The following PRKG1 variants were observed in gnomAD, a reference collection of about 807,000 sequenced individuals.
PRKG1 encodes the protein protein kinase cGMP-dependent 1, also known as cGMP-dependent protein kinase 1.
PRKG1 carries 35 observed loss-of-function variants against 88.1 expected under a neutral mutation model. The observed-to-expected ratio is 0.40, with a 90% CI of 0.30 to 0.53. The LOEUF is 0.53. Ranked by LOEUF, PRKG1 falls within the 20% of genes least tolerant of loss-of-function variation. The pLI, the probability that PRKG1 is intolerant of heterozygous loss-of-function variation, is 0.59. For missense variants in PRKG1, 540 were observed against 839.8 expected, an observed-to-expected ratio of 0.64 and a Z score of 4.41; for synonymous variants, 303 against 292.5, an observed-to-expected ratio of 1.04 and a Z score of -0.37.
At chr10:51,211,663 A>G (rs1838224254) in intron 2 of PRKG1, among the ~76,000 whole-genome samples, 1 of 152,204 alleles carries the variant, frequency 6.6e-6, no homozygotes, top group African/African-American at 2.4e-5. Context: ...GCATTCTTAT[A>G]CACCAATAAC....
chr10:51,800,232 G>A (rs1157450958), intron 3 of PRKG1, among the ~76,000 whole-genome samples: 2 of 152,020 alleles, frequency 1.3e-5, no homozygotes, highest in East Asian at 3.9e-4. Flanking sequence ...AATCTCTTGA[G>A]TTCCATTGAC....
intron 1 of PRKG1, among the ~76,000 whole-genome samples, chr10:51,089,712 AAT>A (rs1268972050): frequency 9.9e-5 from 15 of 152,228 alleles, no homozygotes; most frequent in African/African-American, 3.6e-4. Flanking sequence ...TAGAAAAATA[AAT>A]ATGTGTATGA....
At chr10:51,060,826 G>C (rs1255169632) in intron 1 of PRKG1, among the ~76,000 whole-genome samples, 3 of 152,062 alleles carry the variant, frequency 2.0e-5, no homozygotes, top group African/African-American at 7.2e-5. Context: ...TTCTCTGAAA[G>C]TATACCTATT....
At chr10:51,560,364 G>A (rs1021997182) in intron 3 of PRKG1, among the ~76,000 whole-genome samples, 1 of 152,070 alleles carries the variant, frequency 6.6e-6, no homozygotes, top group African/African-American at 2.4e-5. Flanking sequence ...GTAAGAAAAA[G>A]TAAACTTGAT....
chr10:51,326,031 C>T (rs955822426), intron 2 of PRKG1, among the ~76,000 whole-genome samples: 2 of 152,206 alleles, frequency 1.3e-5, no homozygotes, highest in Non-Finnish European at 2.9e-5. Context: ...GCTCATCTGT[C>T]TCATCTTGTG....
chr10:51,242,971 G>A (rs1472868503), intron 2 of PRKG1, among the ~76,000 whole-genome samples: 3 of 152,054 alleles, frequency 2.0e-5, no homozygotes, highest in Admixed American at 6.6e-5. Context: ...CTGGAGACCC[G>A]GTGTAGACAT....
chr10:51,389,846 G>A (rs1194981699), intron 2 of PRKG1, among the ~76,000 whole-genome samples: 5 of 152,032 alleles, frequency 3.3e-5, no homozygotes, highest in African/African-American at 4.8e-5. Context: ...CAGCCCAATC[G>A]GACAGCTGTA....
chr10:52,242,918 AAAG>A (rs367634303), intron 9 of PRKG1, among the ~76,000 whole-genome samples: 4 of 48,230 alleles, frequency 8.3e-5, no homozygotes, highest in Admixed American at 6.1e-4. Context: ...GGAGAAGGAG[AAAG>A]AGAAGAAGAA....
chr10:52,253,101 T>C (rs1841218567), intron 10 of PRKG1, among the ~76,000 whole-genome samples: 2 of 152,022 alleles, frequency 1.3e-5, no homozygotes, highest in Admixed American at 6.6e-5. Flanking sequence ...TAGTTGCGTA[T>C]TTCTAAAACA....
intron 4 of PRKG1, among the ~76,000 whole-genome samples, chr10:51,881,209 C>T (rs563737116): frequency 5.9e-5 from 9 of 152,200 alleles, no homozygotes; most frequent in African/African-American, 1.2e-4. Context: ...GAGACATCAA[C>T]GGGAAGATCA....
At chr10:51,645,937 T>G (rs2132305132) in intron 3 of PRKG1, among the ~76,000 whole-genome samples, 1 of 152,284 alleles carries the variant, frequency 6.6e-6, no homozygotes, top group South Asian at 2.1e-4. Context: ...ATTAATCAGT[T>G]TTTCATTAAA....
intron 7 of PRKG1, among the ~76,000 whole-genome samples, chr10:52,088,940 A>G (rs1288125978): frequency 6.6e-6 from 1 of 152,198 alleles, no homozygotes; most frequent in Non-Finnish European, 1.5e-5. Context: ...TATTACATAA[A>G]CAAAGGGTGT....
At position 51,947,578 on chromosome 10, in the gene PRKG1, C is replaced by T. The variant is rs182032584; in HGVS notation, c.762+40008C>T. ...CGTTGCTCAGCCTGGGAGCTGTAGA[C>T]GGGAGCTGTTCCTATTCGGCCATCT... On this transcript the variant is annotated intron_variant, in intron 5 of 17. Coordinates refer to ENST00000373980, the MANE Select transcript of PRKG1 (RefSeq NM_006258.4). 1.8e-4 allele frequency among the ~76,000 whole-genome samples: 28 copies of T among 152,286 alleles called. No homozygotes were observed. The East Asian group carries it at 5.0e-3, about 27-fold the overall frequency.
intron 2 of PRKG1, among the ~76,000 whole-genome samples, chr10:51,263,571 A>C (rs1330282467): frequency 6.6e-6 from 1 of 152,242 alleles, no homozygotes; most frequent in African/African-American, 2.4e-5. Flanking sequence ...GTAAACAAAA[A>C]CAAGGAGGAA....
At chr10:52,081,683 TAGA>T in intron 7 of PRKG1, 1 of 456,570 alleles carries the variant, frequency 2.2e-6, no homozygotes, top group Non-Finnish European at 4.4e-6. Context: ...AAAAAGAAGC[TAGA>T]AGATGACGAG....
chr10:51,605,030 T>C (rs1838723435), intron 3 of PRKG1, among the ~76,000 whole-genome samples: 1 of 152,044 alleles, frequency 6.6e-6, no homozygotes. Flanking sequence ...GTGAGATGGA[T>C]TGGGAGCCAG....
intron 5 of PRKG1, among the ~76,000 whole-genome samples, chr10:51,976,510 A>G (rs1467862797): frequency 2.6e-5 from 4 of 151,792 alleles, no homozygotes; most frequent in Admixed American, 6.6e-5. Flanking sequence ...CAAAGGCCAC[A>G]TACTACATGA....
intron 7 of PRKG1, among the ~76,000 whole-genome samples, chr10:52,121,681 C>T (rs1323062314): frequency 2.0e-5 from 3 of 152,222 alleles, no homozygotes; most frequent in Non-Finnish European, 4.4e-5. Context: ...CCTCTACTCC[C>T]GTTTCCAATA....
intron 8 of PRKG1, among the ~76,000 whole-genome samples, chr10:52,137,858 A>G (rs1258322670): frequency 6.6e-6 from 1 of 152,126 alleles, no homozygotes; most frequent in Non-Finnish European, 1.5e-5. Flanking sequence ...GTAATCTGTT[A>G]TGCAATGTCT....
Sources: gnomAD v4.1 joint callset for allele counts (sites outside exome capture counted in the v4.1 genomes callset) on GRCh38, gnomAD v4.1.1 for gene constraint, MANE v1.5 for transcripts, NCBI Gene and HGNC (gene_info 2026-07-23, HGNC 2026-07-21) for gene names.